Variants in ALK observed in about 807,000 individuals in gnomAD.
ALK encodes the protein ALK receptor tyrosine kinase.
Under a neutral mutation model 163.1 loss-of-function variants are expected in ALK, and 74 were observed. That is an observed-to-expected ratio of 0.45 (90% CI 0.38 to 0.55). The LOEUF is 0.55. Ranked by LOEUF, ALK falls within the 20% of genes least tolerant of loss-of-function variation. The pLI, the probability that ALK is intolerant of heterozygous loss-of-function variation, is 0.00. For synonymous variants in ALK, 960 were observed against 843.2 expected (o/e 1.14, Z -2.40); for missense variants, 2,063 against 2,105.3 (o/e 0.98, Z 0.39).
At chr2:29,609,928 C>T (rs1402198898) in intron 3 of ALK, among the ~76,000 whole-genome samples, 1 of 152,144 alleles carries the variant, frequency 6.6e-6, no homozygotes, top group African/African-American at 2.4e-5. Context: ...GAGCATGAGC[C>T]ACTGCACCTG....
chr2:29,762,639 A>G lies in ALK; in HGVS notation c.668-44942T>C, dbSNP rs202061451. Among the ~76,000 whole-genome samples the G allele has an allele frequency of 3.3e-5, 5 of 152,374 alleles. No homozygotes were observed. In the East Asian group the frequency reaches 9.6e-4, roughly 29 times the overall value. On this transcript the variant is annotated intron_variant, in intron 1 of 28. Coordinates refer to ENST00000389048, the MANE Select transcript of ALK (RefSeq NM_004304.5). ...TTAAAATGTAGCAGCTCTTAGAGAC[A>G]TAGACATATGTGGCTCTGAACTACA... is the stretch of plus-strand genomic sequence containing the variant.
At chr2:29,485,717 C>A (rs1375826818) in intron 4 of ALK, among the ~76,000 whole-genome samples, 1 of 152,178 alleles carries the variant, frequency 6.6e-6, no homozygotes, top group East Asian at 1.9e-4. Context: ...CTCACCCCTT[C>A]CTGTCTGGCT....
intron 3 of ALK, among the ~76,000 whole-genome samples, chr2:29,616,407 G>T (rs1675848326): frequency 6.6e-6 from 1 of 152,162 alleles, no homozygotes; most frequent in African/African-American, 2.4e-5. Context: ...ATTAAATGTA[G>T]GCTCAGGTTT....
intron 1 of ALK, among the ~76,000 whole-genome samples, chr2:29,819,309 G>C (rs1374758596): frequency 6.6e-6 from 1 of 152,230 alleles, no homozygotes; most frequent in Non-Finnish European, 1.5e-5. Context: ...AGATTCTGCA[G>C]TCACTACTGC....
chr2:29,671,956 T>C (rs924025712), intron 3 of ALK, among the ~76,000 whole-genome samples: 3 of 151,838 alleles, frequency 2.0e-5, no homozygotes, highest in African/African-American at 7.2e-5. Flanking sequence ...ATTCTAATGA[T>C]ACAAAAATGT....
chr2:29,700,607 A>AGTGTGTGTGCACACACCTGCATGT (rs1553349318), intron 2 of ALK, among the ~76,000 whole-genome samples: 2 of 152,240 alleles, frequency 1.3e-5, no homozygotes, highest in Non-Finnish European at 2.9e-5. Flanking sequence ...TGAACGAGTG[A>AGTGTGTGTGCACACACCTGCATGT]GTGTGTGTGC....
chr2:29,623,807 T>C (rs1430545686), intron 3 of ALK, among the ~76,000 whole-genome samples: 1 of 152,262 alleles, frequency 6.6e-6, no homozygotes, highest in Non-Finnish European at 1.5e-5. Flanking sequence ...AATGGGCTTA[T>C]ACTACCTTTA....
chr2:29,344,463 C>T (rs1667889182), intron 5 of ALK, among the ~76,000 whole-genome samples: 1 of 152,128 alleles, frequency 6.6e-6, no homozygotes, highest in Non-Finnish European at 1.5e-5. Context: ...AGTTTGACTC[C>T]CTCAAGGCTA....
intron 3 of ALK, among the ~76,000 whole-genome samples, chr2:29,663,749 T>G (rs778904192): frequency 1.4e-4 from 21 of 152,176 alleles, no homozygotes; most frequent in Non-Finnish European, 2.5e-4. Flanking sequence ...TCAGTAGTTG[T>G]GAAAGTTTAA....
intron 11 of ALK, among the ~76,000 whole-genome samples, chr2:29,272,185 GGAGA>G (rs57649688): frequency 2.5e-4 from 36 of 145,228 alleles, no homozygotes; most frequent in Admixed American, 9.0e-4. Flanking sequence ...GTCGGGTGAG[GGAGA>G]GAGAGAGAGA....
At chr2:29,216,278 C>T (rs996860238) in intron 23 of ALK, among the ~76,000 whole-genome samples, 1 of 152,058 alleles carries the variant, frequency 6.6e-6, no homozygotes, top group Admixed American at 6.6e-5. Context: ...GATGGAAGAG[C>T]GAAATATCTT....
chr2:29,207,103 A>G (rs1669330978), intron 26 of ALK, 68 bp downstream of exon 26: 5 of 1,227,176 alleles, frequency 4.1e-6, no homozygotes, highest in Non-Finnish European at 6.0e-6. Flanking sequence ...CTTAGAGTAT[A>G]GAGTCCTTTG....
chr2:29,444,631 T>C (rs1670627051), intron 4 of ALK, among the ~76,000 whole-genome samples: 1 of 152,230 alleles, frequency 6.6e-6, no homozygotes, highest in Admixed American at 6.5e-5. Flanking sequence ...TTGAGATAAA[T>C]ATATTAATAG....
At chr2:29,328,219 C>T in intron 6 of ALK, 131 bp downstream of exon 6, 1 of 1,325,598 alleles carries the variant, frequency 7.5e-7, no homozygotes, top group Non-Finnish European at 1.1e-6. Flanking sequence ...GTGGCTTTGC[C>T]ATGAGAGGAG....
At chr2:29,267,646 G>A (rs1017408894) in intron 11 of ALK, among the ~76,000 whole-genome samples, 1 of 152,064 alleles carries the variant, frequency 6.6e-6, no homozygotes, top group Non-Finnish European at 1.5e-5. Context: ...GGGCAAGCTG[G>A]GAAGACCACC....
At chr2:29,501,995 T>C (rs960297295) in intron 4 of ALK, among the ~76,000 whole-genome samples, 2 of 152,244 alleles carry the variant, frequency 1.3e-5, no homozygotes, top group African/African-American at 4.8e-5. Flanking sequence ...GTAGCAGGTG[T>C]CAGAATTTCC....
At chr2:29,784,434 G>A (rs556217578) in intron 1 of ALK, among the ~76,000 whole-genome samples, 5 of 152,102 alleles carry the variant, frequency 3.3e-5, no homozygotes, top group Non-Finnish European at 7.4e-5. Flanking sequence ...AGTGGCTCAC[G>A]CCTGTAATCC....
At chr2:29,887,656 T>C (rs1233816941) in intron 1 of ALK, among the ~76,000 whole-genome samples, 3 of 152,170 alleles carry the variant, frequency 2.0e-5, no homozygotes, top group African/African-American at 7.2e-5. Context: ...GGGTTGGGCC[T>C]TGGATTCTAC....
At chr2:29,362,858 A>G (rs1489919541) in intron 5 of ALK, among the ~76,000 whole-genome samples, 1 of 151,956 alleles carries the variant, frequency 6.6e-6, no homozygotes, top group African/African-American at 2.4e-5. Context: ...ATGAACAAAC[A>G]AACAAACAGA....
Sources: gnomAD v4.1 joint callset for allele counts (sites outside exome capture counted in the v4.1 genomes callset) on GRCh38, gnomAD v4.1.1 for gene constraint, MANE v1.5 for transcripts, NCBI Gene and HGNC (gene_info 2026-07-23, HGNC 2026-07-21) for gene names.